Variants in JAKMIP3 observed in about 807,000 individuals in gnomAD.
JAKMIP3 encodes Janus kinase and microtubule interacting protein 3.
In JAKMIP3, 58 loss-of-function variants were observed where a neutral mutation model predicts 118.5. The observed-to-expected ratio is 0.49, with a 90% CI of 0.40 to 0.61. The LOEUF (loss-of-function observed/expected upper bound fraction) is 0.61, where lower values mean the gene tolerates loss of function less well. Ranked by LOEUF, JAKMIP3 falls within the 20% of genes least tolerant of loss-of-function variation. The pLI is 0.00. For missense variants in JAKMIP3, 950 were observed against 1,109.0 expected (o/e 0.86, Z 2.04); for synonymous variants, 486 against 451.2 (o/e 1.08, Z -0.98).
chr10:132,131,474 C>T (rs777969900), intron 3 of JAKMIP3, among the ~76,000 whole-genome samples: 21 of 149,266 alleles, frequency 1.4e-4, no homozygotes, highest in African/African-American at 4.5e-4. Context: ...GTGTCGGGCC[C>T]GGGGAGATGG....
chr10:132,063,182 G>A (rs543773974), upstream of JAKMIP3, among the ~76,000 whole-genome samples: 31 of 152,276 alleles, frequency 2.0e-4, no homozygotes, highest in African/African-American at 7.0e-4. Flanking sequence ...AGCCAGGGAC[G>A]GGCTGTGGGA....
rs540212033 is a variant in JAKMIP3, at chr10:132,044,425, C to T, written c.-138+7687C>T. Among the ~76,000 whole-genome samples, 1 of 152,128 alleles carries T rather than the reference C, an allele frequency of 6.6e-6. No individual in the cohort carries two copies. The highest frequency in any genetic ancestry group is 6.5e-5 in the Admixed American group (1 of 15,268). On this transcript the variant is annotated intron_variant, in intron 1 of 23. Transcript: ENST00000657785. This position sits in a 1 kb window ranked among gnomAD's most constrained non-coding sequence, Gnocchi z 5.3. ...GAGTTGTCACAATTCTGCAAGAGCT[C>T]GTGACGGGAGCTCACCAGTCTAGTA... is the stretch of plus-strand genomic sequence containing the variant.
chr10:132,098,634 G>C (rs1227599339), intron 1 of JAKMIP3, among the ~76,000 whole-genome samples: 1 of 152,186 alleles, frequency 6.6e-6, no homozygotes, highest in African/African-American at 2.4e-5. Flanking sequence ...ATCACTGTGA[G>C]GCCAGCTTAG....
chr10:132,142,814 C>CTGTGGGG (rs1411538002), intron 11 of JAKMIP3, among the ~76,000 whole-genome samples: 1 of 152,198 alleles, frequency 6.6e-6, no homozygotes, highest in Admixed American at 6.5e-5. Context: ...GAGCAGGCAG[C>CTGTGGGG]TGTGGGGTGT....
chr10:132,063,927 G>A (rs184392286), upstream of JAKMIP3, among the ~76,000 whole-genome samples: 20 of 152,222 alleles, frequency 1.3e-4, no homozygotes, highest in African/African-American at 3.9e-4. Flanking sequence ...ACACAGGCAC[G>A]CGTTTTTAAA....
intron 1 of JAKMIP3, among the ~76,000 whole-genome samples, chr10:132,099,557 CG>C (rs1430492303): frequency 2.6e-5 from 4 of 152,186 alleles, no homozygotes; most frequent in African/African-American, 7.2e-5. Flanking sequence ...ACTCTGTCTA[CG>C]GGGGTTTGGG....
At chr10:132,136,236 C>T (rs750644453) in intron 6 of JAKMIP3, among the ~76,000 whole-genome samples, 160 bp downstream of exon 6, 2 of 152,232 alleles carry the variant, frequency 1.3e-5, no homozygotes, top group Non-Finnish European at 2.9e-5. Flanking sequence ...GGGGAGCAAC[C>T]GCCAAGCCCA....
upstream of JAKMIP3, among the ~76,000 whole-genome samples, chr10:132,064,888 A>T (rs933065122): frequency 1.5e-4 from 23 of 152,092 alleles, no homozygotes; most frequent in African/African-American, 5.6e-4. This position sits in a 1 kb window ranked among gnomAD's most constrained non-coding sequence, Gnocchi z 4.4. Flanking sequence ...TGCCGGTCTC[A>T]GCTTTGGGGT....
At chr10:132,061,203 C>T (rs1038262525), upstream of JAKMIP3, among the ~76,000 whole-genome samples, 3 of 123,864 alleles carry the variant, frequency 2.4e-5, no homozygotes, top group African/African-American at 8.5e-5. Flanking sequence ...CGCACACACA[C>T]ACCTGCCGTG....
chr10:132,178,041 C>T (rs1160674393), intron 23 of JAKMIP3, among the ~76,000 whole-genome samples: 3 of 152,240 alleles, frequency 2.0e-5, no homozygotes, highest in African/African-American at 7.2e-5. Flanking sequence ...GAACCTGCTC[C>T]TGTGCACCCG....
chr10:132,062,458 T>A (rs2038426880), upstream of JAKMIP3, among the ~76,000 whole-genome samples: 3 of 151,846 alleles, frequency 2.0e-5, no homozygotes, highest in South Asian at 6.2e-4. Flanking sequence ...CCCGCCTAAC[T>A]CCCCGTCAGC....
Position 132,179,025 on chromosome 10 carries a change from G to T in JAKMIP3, c.*1104-3332G>T, listed in dbSNP as rs564377234. Among the ~76,000 whole-genome samples the T allele has an allele frequency of 3.9e-5, 6 of 152,354 alleles. No homozygotes were observed. In the South Asian group the frequency reaches 1.2e-3, roughly 32 times the overall value. On this transcript the variant is annotated intron_variant, in intron 23 of 23. Transcript: ENST00000684848. The surrounding 1 kb of genome is among the most constrained non-coding windows in gnomAD (Gnocchi z 4.3). ...GGTTCTGGTGCCTTCGTGCCCGTGGGGCTGGGGGCCCCGACCTGTGGAAAC... is the reference window on the plus strand; with the variant it reads ...GGTTCTGGTGCCTTCGTGCCCGTGGTGCTGGGGGCCCCGACCTGTGGAAAC...
rs1175933687 is a variant in JAKMIP3, at chr10:132,118,037, C to T, written c.633+463C>T. 6.6e-6 allele frequency among the ~76,000 whole-genome samples: 1 copy of T among 152,160 alleles called. No homozygotes were observed. The highest frequency in any genetic ancestry group is 1.5e-5 in the Non-Finnish European group (1 of 68,030). On this transcript the variant is annotated intron_variant, in intron 3 of 23. Transcript: ENST00000684848. This position sits in a 1 kb window ranked among gnomAD's most constrained non-coding sequence, Gnocchi z 4.8. ...CACGGGGGGACTCAGAGGGAATTCT[C>T]CAGTGATTCTCCAGTTGAACTCACA...
At chr10:132,047,005 C>T (rs1477892182) in intron 1 of JAKMIP3, among the ~76,000 whole-genome samples, 1 of 152,170 alleles carries the variant, frequency 6.6e-6, no homozygotes, top group African/African-American at 2.4e-5. Context: ...TGCCCCAGCT[C>T]TCCTGAGTCA....
At chr10:132,138,370 G>A (rs1348766671) in intron 9 of JAKMIP3, among the ~76,000 whole-genome samples, 192 bp downstream of exon 9, 8 of 133,018 alleles carry the variant, frequency 6.0e-5, no homozygotes, top group South Asian at 4.9e-4. Flanking sequence ...GGAGAGGACC[G>A]CGCCCGCGTG....
At chr10:132,161,190 T>TC (rs2058220629) in intron 19 of JAKMIP3, among the ~76,000 whole-genome samples, 1 of 6,280 alleles carries the variant, frequency 1.6e-4, no homozygotes, top group Non-Finnish European at 3.5e-4. Context: ...GGGGGTCTCT[T>TC]CCTGTGTGAT....
At chr10:132,061,465 G>A (rs1404016892), upstream of JAKMIP3, among the ~76,000 whole-genome samples, 2 of 152,180 alleles carry the variant, frequency 1.3e-5, no homozygotes, top group Non-Finnish European at 2.9e-5. Flanking sequence ...TTTCTTTCCC[G>A]GTTAATCTAT....
intron 23 of JAKMIP3, among the ~76,000 whole-genome samples, chr10:132,180,595 G>A (rs1462215257): frequency 1.8e-5 from 1 of 55,752 alleles, no homozygotes; most frequent in African/African-American, 7.7e-5. Context: ...GCGTGTGTGT[G>A]TGCGTGCGCG....
Position 132,092,586 on chromosome 10 carries a change from C to T in JAKMIP3, c.-137-12086C>T, listed in dbSNP as rs111431691. Among the ~76,000 whole-genome samples the T allele has an allele frequency of 2.4e-3, 361 of 152,294 alleles. 5 individuals are homozygous for T. Among genetic ancestry groups the T allele is most frequent in the African/African-American group, 8.1e-3 (338 of 41,572 alleles). ...GCTACTGAAGCTTGTGCATTTGTCA[C>T]GTAGTTCTCGTGCCATGTTTTTCAG... On this transcript the variant is annotated intron_variant, in intron 1 of 23. Transcript: ENST00000684848.
Sources: allele counts gnomAD v4.1 joint callset (sites outside exome capture counted in the v4.1 genomes callset), GRCh38; gene constraint gnomAD v4.1.1; non-coding constraint Gnocchi (gnomAD v3.1); transcripts MANE v1.5; gene names NCBI Gene and HGNC (gene_info 2026-07-23, HGNC 2026-07-21).